The following GRID2 variants were observed in gnomAD, a reference collection of about 807,000 sequenced individuals.
GRID2 encodes the protein glutamate receptor ionotropic, delta-2.
A neutral mutation model predicts 114.8 loss-of-function variants in GRID2; 33 were observed. The ratio of observed to expected loss-of-function variants is 0.29; its 90% confidence interval spans 0.22 to 0.38. GRID2 has a LOEUF of 0.38. GRID2 is among the 10% of genes least tolerant of loss of function. The pLI is 1.00. For missense variants in GRID2, 1,184 were observed against 1,257.7 expected (o/e 0.94, Z 0.89); for synonymous variants, 505 against 449.9 (o/e 1.12, Z -1.55).
intron 2 of GRID2, among the ~76,000 whole-genome samples, chr4:92,820,224 T>A (rs1741184185): frequency 2.0e-5 from 3 of 152,180 alleles, no homozygotes; most frequent in Non-Finnish European, 4.4e-5. Flanking sequence ...ACTTTGAATG[T>A]AATGCTTCTT....
chr4:93,526,198 T>C (rs1178927435), intron 13 of GRID2, among the ~76,000 whole-genome samples: 1 of 152,168 alleles, frequency 6.6e-6, no homozygotes, highest in African/African-American at 2.4e-5. Context: ...GAGTGAGTTC[T>C]TGCCGAGCTA....
chr4:93,773,177 A>C lies in GRID2; in HGVS notation c.*679A>C, dbSNP rs779581621. The C allele has an allele frequency of 6.6e-6, 1 of 152,194 alleles. No individual in the cohort carries two copies. 9.4% of individuals were successfully genotyped at this position (152,194 alleles called of 1,614,324 possible). ...TTTTTTCTTATGTACAGTAAACTTTATCATATGGCAGAAGCCTCTATTGTG... is the reference window on the plus strand; with the variant it reads ...TTTTTTCTTATGTACAGTAAACTTTCTCATATGGCAGAAGCCTCTATTGTG... On this transcript the variant is annotated 3_prime_UTR_variant, in exon 16 of 16. Transcript: ENST00000282020.
intron 12 of GRID2, among the ~76,000 whole-genome samples, chr4:93,500,919 C>T (rs1728031396): frequency 6.6e-6 from 1 of 151,946 alleles, no homozygotes; most frequent in Admixed American, 6.6e-5. Flanking sequence ...TAGTGTCTCC[C>T]TTTTTTGAAC....
intron 11 of GRID2, among the ~76,000 whole-genome samples, chr4:93,468,163 A>AT (rs995107811): frequency 2.6e-5 from 4 of 152,218 alleles, no homozygotes; most frequent in African/African-American, 9.6e-5. Context: ...TGAGAAAAGC[A>AT]TTTTTTTCAG....
At chr4:93,569,158 G>A (rs2149576601) in intron 13 of GRID2, among the ~76,000 whole-genome samples, 1 of 152,244 alleles carries the variant, frequency 6.6e-6, no homozygotes, top group Non-Finnish European at 1.5e-5. Flanking sequence ...CTTATCCAGA[G>A]TCCCCTGCAG....
chr4:93,603,701 G>A (rs1739925539), intron 13 of GRID2, among the ~76,000 whole-genome samples: 1 of 152,194 alleles, frequency 6.6e-6, no homozygotes, highest in African/African-American at 2.4e-5. Context: ...AGGGCCTAAT[G>A]CAGCTGGTGA....
chr4:92,900,561 C>T (rs1019367114), intron 2 of GRID2, among the ~76,000 whole-genome samples: 17 of 152,230 alleles, frequency 1.1e-4, no homozygotes, highest in Non-Finnish European at 1.3e-4. Context: ...CCAGGCACGG[C>T]GGCTCACGCC....
At chr4:93,390,819 CTATA>C (rs1003809481) in intron 8 of GRID2, among the ~76,000 whole-genome samples, 4 of 151,632 alleles carry the variant, frequency 2.6e-5, no homozygotes, top group South Asian at 2.1e-4. Context: ...TCAAATATGT[CTATA>C]TATAGATATA....
chr4:92,577,337 C>A (rs1727944088), intron 1 of GRID2, among the ~76,000 whole-genome samples: 1 of 152,108 alleles, frequency 6.6e-6, no homozygotes. Flanking sequence ...GAGGTATAAA[C>A]ATTAGGATTA....
At chr4:93,719,951 G>T (rs1729212506) in intron 14 of GRID2, among the ~76,000 whole-genome samples, 1 of 152,074 alleles carries the variant, frequency 6.6e-6, no homozygotes, top group Non-Finnish European at 1.5e-5. Flanking sequence ...GTCTCAAGCT[G>T]CTGTCTCTAT....
chr4:92,309,736 A>G (rs2110107432), intron 1 of GRID2, among the ~76,000 whole-genome samples: 1 of 152,092 alleles, frequency 6.6e-6, no homozygotes, highest in Non-Finnish European at 1.5e-5. Flanking sequence ...TTAGATTGCT[A>G]GACCTAGTGA....
At chr4:92,927,558 T>C (rs984638617) in intron 2 of GRID2, among the ~76,000 whole-genome samples, 4 of 151,776 alleles carry the variant, frequency 2.6e-5, no homozygotes, top group Middle Eastern at 3.4e-3. Context: ...TTATAATGGG[T>C]AGTAAGCATG....
intron 2 of GRID2, among the ~76,000 whole-genome samples, chr4:92,680,976 G>A (rs1024718997): frequency 5.3e-5 from 8 of 152,014 alleles, no homozygotes; most frequent in African/African-American, 1.7e-4. Flanking sequence ...GAAAGAAAAA[G>A]AAGATTAAAG....
intron 1 of GRID2, among the ~76,000 whole-genome samples, chr4:92,345,838 C>T (rs913419604): frequency 1.3e-5 from 2 of 152,156 alleles, no homozygotes; most frequent in Non-Finnish European, 2.9e-5. Flanking sequence ...AAGTAAGCAT[C>T]GTTAGCCTTC....
intron 8 of GRID2, among the ~76,000 whole-genome samples, chr4:93,243,266 C>T (rs1747757114): frequency 6.6e-6 from 1 of 152,036 alleles, no homozygotes; most frequent in African/African-American, 2.4e-5. Flanking sequence ...TGGATTAATT[C>T]ATAGCTTGCC....
At chr4:93,368,351 AT>A (rs1363644163) in intron 8 of GRID2, among the ~76,000 whole-genome samples, 25 of 152,284 alleles carry the variant, frequency 1.6e-4, no homozygotes, top group African/African-American at 5.8e-4. Context: ...ACTATGTTAC[AT>A]TCTTAAGTTA....
intron 2 of GRID2, among the ~76,000 whole-genome samples, chr4:92,653,837 G>A (rs1369500921): frequency 6.6e-6 from 1 of 152,104 alleles, no homozygotes; most frequent in Non-Finnish European, 1.5e-5. Context: ...GCTGCCCTTT[G>A]TAATATATTT....
chr4:92,782,800 G>A (rs906403590), intron 2 of GRID2, among the ~76,000 whole-genome samples: 1 of 151,988 alleles, frequency 6.6e-6, no homozygotes, highest in African/African-American at 2.4e-5. Context: ...TCAGGGCTAG[G>A]GAAGTGGTTT....
chr4:92,720,377 T>G (rs1040655941), intron 2 of GRID2, among the ~76,000 whole-genome samples: 3 of 152,076 alleles, frequency 2.0e-5, no homozygotes, highest in Admixed American at 6.6e-5. Flanking sequence ...AAAATACGTT[T>G]GGTAGACTAT....
Sources: gnomAD v4.1 joint callset for allele counts (sites outside exome capture counted in the v4.1 genomes callset) on GRCh38, gnomAD v4.1.1 for gene constraint, MANE v1.5 for transcripts, NCBI Gene and HGNC (gene_info 2026-07-23, HGNC 2026-07-21) for gene names.